The following GALNTL6 variants were observed in gnomAD, a reference collection of about 807,000 sequenced individuals.
GALNTL6 encodes polypeptide N-acetylgalactosaminyltransferase like 6.
A neutral mutation model predicts 73.7 loss-of-function variants in GALNTL6; 46 were observed. The ratio of observed to expected loss-of-function variants is 0.62; its 90% confidence interval spans 0.49 to 0.80. The LOEUF (loss-of-function observed/expected upper bound fraction) is 0.80. Ranked by LOEUF, GALNTL6 falls within the 30% of genes least tolerant of loss-of-function variation. The pLI is 0.00. For synonymous variants in GALNTL6, 259 were observed against 263.7 expected, an observed-to-expected ratio of 0.98 and a Z score of 0.17; for missense variants, 604 against 755.0, an observed-to-expected ratio of 0.80 and a Z score of 2.34.
intron 5 of GALNTL6, among the ~76,000 whole-genome samples, chr4:172,625,047 T>C (rs1739112261): frequency 6.6e-6 from 1 of 151,996 alleles, no homozygotes; most frequent in African/African-American, 2.4e-5. Context: ...GGGTCTCAAT[T>C]TCTCTCAGTT....
rs565643970 is a variant in GALNTL6 at position 172,806,508 on chromosome 4, T to G, written c.554-2853T>G. Among the ~76,000 whole-genome samples, 3 of 152,326 alleles carry G rather than the reference T, an allele frequency of 2.0e-5. No homozygotes were observed. In the South Asian group the frequency reaches 6.2e-4, roughly 32 times the overall value. ...GTTGGGACAACCATTCTCAGGTGACTTAACCCTTTGACTCTCACTTTGGAA... is the reference window on the plus strand; with the variant it reads ...GTTGGGACAACCATTCTCAGGTGACGTAACCCTTTGACTCTCACTTTGGAA... On this transcript the variant is annotated intron_variant, in intron 5 of 12. Coordinates refer to ENST00000506823, the MANE Select transcript of GALNTL6 (RefSeq NM_001034845.3).
At chr4:172,595,727 T>G (rs1164055425) in intron 5 of GALNTL6, among the ~76,000 whole-genome samples, 7 of 152,168 alleles carry the variant, frequency 4.6e-5, no homozygotes, top group Admixed American at 4.6e-4. Context: ...CTAATCAGCA[T>G]TATTATCTTG....
intron 2 of GALNTL6, among the ~76,000 whole-genome samples, chr4:172,102,362 T>C (rs542327308): frequency 6.6e-6 from 1 of 152,342 alleles, no homozygotes; most frequent in Admixed American, 6.5e-5. Flanking sequence ...TATAACTTTA[T>C]ACATGAGAGC....
At chr4:172,133,784 A>G (rs1467204102) in intron 2 of GALNTL6, among the ~76,000 whole-genome samples, 1 of 152,250 alleles carries the variant, frequency 6.6e-6, no homozygotes, top group African/African-American at 2.4e-5. Context: ...GGCATGGCAT[A>G]TAATAAAAGC....
chr4:172,391,703 G>A (rs1005484043), intron 5 of GALNTL6, among the ~76,000 whole-genome samples: 2 of 152,064 alleles, frequency 1.3e-5, no homozygotes, highest in Non-Finnish European at 2.9e-5. Context: ...CATTGGGAGT[G>A]TTTGTAAGAT....
chr4:172,464,839 C>T (rs1732751350), intron 5 of GALNTL6, among the ~76,000 whole-genome samples: 1 of 151,922 alleles, frequency 6.6e-6, no homozygotes, highest in African/African-American at 2.4e-5. Context: ...CTTTTATATA[C>T]AAAAAATCTC....
At chr4:172,043,301 G>T (rs1042824078) in intron 2 of GALNTL6, among the ~76,000 whole-genome samples, 3 of 151,876 alleles carry the variant, frequency 2.0e-5, no homozygotes, top group Non-Finnish European at 2.9e-5. Context: ...TTTTGTGTGT[G>T]TGTTTTTATT....
chr4:172,439,784 A>C (rs906368271), intron 5 of GALNTL6, among the ~76,000 whole-genome samples: 2 of 152,028 alleles, frequency 1.3e-5, no homozygotes, highest in African/African-American at 2.4e-5. Context: ...TTTTTAGAGA[A>C]GTTTTAGGTG....
At chr4:172,358,857 CAAAAAAAA>C (rs56119441) in intron 5 of GALNTL6, among the ~76,000 whole-genome samples, 3 of 85,552 alleles carry the variant, frequency 3.5e-5, no homozygotes, top group Admixed American at 1.4e-4. Context: ...ATTAAAAAGT[CAAAAAAAA>C]AAAAAAAAAA....
intron 5 of GALNTL6, among the ~76,000 whole-genome samples, chr4:172,776,490 G>A (rs369368607): frequency 6.6e-6 from 1 of 152,218 alleles, no homozygotes; most frequent in Non-Finnish European, 1.5e-5. Context: ...TTAGGGCTCA[G>A]TTAACATTCA....
intron 5 of GALNTL6, among the ~76,000 whole-genome samples, chr4:172,535,704 T>C (rs1203848786): frequency 1.3e-5 from 2 of 152,130 alleles, no homozygotes; most frequent in African/African-American, 4.8e-5. Flanking sequence ...TAATAGATTA[T>C]GATAGACCAT....
chr4:172,768,983 T>C (rs1411247085), intron 5 of GALNTL6, among the ~76,000 whole-genome samples: 1 of 152,054 alleles, frequency 6.6e-6, no homozygotes, highest in Admixed American at 6.6e-5. Context: ...CTTCAAAGGA[T>C]AGCCTTTTTG....
chr4:172,374,098 T>G (rs2111264626), intron 5 of GALNTL6, among the ~76,000 whole-genome samples: 1 of 152,328 alleles, frequency 6.6e-6, no homozygotes, highest in Admixed American at 6.5e-5. Context: ...TGCCTCGGCA[T>G]AGTGGACATG....
intron 5 of GALNTL6, among the ~76,000 whole-genome samples, chr4:172,807,767 A>C (rs1741050232): frequency 6.6e-6 from 1 of 152,160 alleles, no homozygotes; most frequent in South Asian, 2.1e-4. Flanking sequence ...AGAGGGGAAC[A>C]TATTTTGAGC....
intron 2 of GALNTL6, among the ~76,000 whole-genome samples, chr4:171,902,048 T>G (rs937545323): frequency 2.6e-5 from 4 of 152,180 alleles, no homozygotes; most frequent in Non-Finnish European, 5.9e-5. Context: ...TAAGTGGGAA[T>G]GTTGCTAGTT....
At chr4:172,501,477 A>C (rs2110777183) in intron 5 of GALNTL6, among the ~76,000 whole-genome samples, 1 of 152,300 alleles carries the variant, frequency 6.6e-6, no homozygotes, top group African/African-American at 2.4e-5. Context: ...AAATACACAA[A>C]GAAACACTAA....
chr4:172,202,290 T>C (rs189049072), intron 2 of GALNTL6, among the ~76,000 whole-genome samples: 139 of 152,298 alleles, frequency 9.1e-4, no homozygotes, highest in African/African-American at 3.2e-3. Flanking sequence ...AGGCAAATGA[T>C]GCTTTCTAAT....
chr4:172,176,599 G>A (rs1211988545), intron 2 of GALNTL6, among the ~76,000 whole-genome samples: 2 of 151,862 alleles, frequency 1.3e-5, no homozygotes, highest in Non-Finnish European at 2.9e-5. Flanking sequence ...AGACCAGCCT[G>A]GACAACATAG....
rs541401541 is a variant in GALNTL6 at position 172,715,452 on chromosome 4, G to A, written c.554-93909G>A. ...ACAGCAGGCAGAGATACTAAACTAA[G>A]GGTGAAAGGAAATAAGATTTGTGAC... On this transcript the variant is annotated intron_variant, in intron 5 of 12. Transcript: ENST00000506823. Among the ~76,000 whole-genome samples, 6 of 152,300 alleles carry A rather than the reference G, an allele frequency of 3.9e-5. No homozygotes were observed. In the East Asian group the frequency reaches 1.2e-3, roughly 29 times the overall value.
Sources: gnomAD v4.1 joint callset for allele counts (sites outside exome capture counted in the v4.1 genomes callset) on GRCh38, gnomAD v4.1.1 for gene constraint, MANE v1.5 for transcripts, NCBI Gene and HGNC (gene_info 2026-07-23, HGNC 2026-07-21) for gene names.